Variants in KIRREL3 observed in about 807,000 individuals in gnomAD.
The protein encoded by KIRREL3 is kirre like nephrin family adhesion molecule 3.
KIRREL3 carries 36 observed loss-of-function variants against 89.7 expected under a neutral mutation model. The ratio of observed to expected loss-of-function variants is 0.40; its 90% CI spans 0.31 to 0.53. The LOEUF (loss-of-function observed/expected upper bound fraction) is 0.53. Among genes scored for constraint, KIRREL3 ranks in the 20% least tolerant of loss-of-function variants. The pLI is 0.49. For missense variants in KIRREL3, 864 were observed against 1,056.6 expected (o/e 0.82, Z 2.53); for synonymous variants, 445 against 441.4 (o/e 1.01, Z -0.10).
intron 1 of KIRREL3, among the ~76,000 whole-genome samples, chr11:126,629,829 G>A (rs535679790): frequency 6.6e-6 from 1 of 152,208 alleles, no homozygotes; most frequent in East Asian, 1.9e-4. Context: ...CTCCTTCCTG[G>A]TTCTATGAGC....
chr11:126,558,674 T>C lies in KIRREL3; in HGVS notation c.133+4161A>G, dbSNP rs893654974. On this transcript the variant is annotated intron_variant, in intron 2 of 16. Transcript: ENST00000525144. The surrounding 1 kb of genome is among the most constrained non-coding windows in gnomAD (Gnocchi z 4.0). Reference sequence around the variant, plus strand: ...GAGGCAGGCACAGCCCCTCCCCTGATACATGTGACAGCCTTCTACTCTGCC... The same window carrying C: ...GAGGCAGGCACAGCCCCTCCCCTGACACATGTGACAGCCTTCTACTCTGCC... 1.3e-5 allele frequency among the ~76,000 whole-genome samples: 2 copies of C among 152,212 alleles called. No individual in the cohort carries two copies. Among genetic ancestry groups the C allele is most frequent in the African/African-American group, 4.8e-5 (2 of 41,464 alleles).
At position 126,860,556 on chromosome 11, in the gene KIRREL3, G is replaced by A. The variant is rs1390996450; in HGVS notation, c.55+139899C>T. On this transcript the variant is annotated intron_variant, in intron 1 of 16. Transcript: ENST00000525144. This position sits in a 1 kb window ranked among gnomAD's most constrained non-coding sequence, Gnocchi z 4.6. The stretch of plus-strand genomic sequence containing the variant: ...TGCTCTGGGTGTGGCCAGGCAGCAG[G>A]CGGCGTGGAGGCAGAGGGGCCAGGC... Among the ~76,000 whole-genome samples, 1 of 152,202 alleles carries A rather than the reference G, an allele frequency of 6.6e-6. No individual in the cohort carries two copies. The highest frequency in any genetic ancestry group is 1.5e-5 in the Non-Finnish European group (1 of 68,034).
In KIRREL3 at chr11:126,424,555, C is replaced by T. The variant is rs759677616; in HGVS notation, c.*25G>A. The T allele has an allele frequency of 3.7e-6, 6 of 1,609,058 alleles. No individual in the cohort carries two copies. The highest frequency in any genetic ancestry group is 2.2e-5 in the East Asian group (1 of 44,812). ...ACGTGCCCTGACCTCTTCCCTGGCCCGTCCCCACCCGCGGTGTGTGATCCT... is the reference window on the plus strand; with the variant it reads ...ACGTGCCCTGACCTCTTCCCTGGCCTGTCCCCACCCGCGGTGTGTGATCCT... On this transcript the variant is annotated 3_prime_UTR_variant, in exon 17 of 17. Coordinates refer to ENST00000525144, the MANE Select transcript of KIRREL3 (RefSeq NM_032531.4).
chr11:126,922,421 A>G (rs1289634529), intron 1 of KIRREL3, among the ~76,000 whole-genome samples: 1 of 152,100 alleles, frequency 6.6e-6, no homozygotes. Context: ...ACGAAACAGA[A>G]GCCGACAGAT....
At chr11:126,451,053 A>G (rs1169997091) in intron 7 of KIRREL3, among the ~76,000 whole-genome samples, 2 of 130,222 alleles carry the variant, frequency 1.5e-5, no homozygotes, top group African/African-American at 5.9e-5. Context: ...GAGCATGTGC[A>G]TGTGTGCATG....
rs143718453 is a variant in KIRREL3 at position 126,455,296 on chromosome 11, C to T, written c.848+1053G>A. Among the ~76,000 whole-genome samples the T allele has an allele frequency of 2.6e-3, 398 of 152,302 alleles. 3 individuals carry two copies. Among genetic ancestry groups the T allele is most frequent in the Admixed American group, 5.4e-3 (83 of 15,300 alleles). ...AGTGCCTCCAAGGTCACTTAGTCTC[C>T]TAGAGTCTTGTGCAGTGACAGTGCC... On this transcript the variant is annotated intron_variant, in intron 7 of 16. Coordinates refer to ENST00000525144, the MANE Select transcript of KIRREL3 (RefSeq NM_032531.4). This position sits in a 1 kb window ranked among gnomAD's most constrained non-coding sequence, Gnocchi z 6.4.
chr11:126,539,413 C>T (rs1286660032), intron 2 of KIRREL3, among the ~76,000 whole-genome samples: 1 of 152,118 alleles, frequency 6.6e-6, no homozygotes, highest in Admixed American at 6.6e-5. Flanking sequence ...CCCACATGCT[C>T]AGATCTGAGT....
At chr11:126,887,486 A>G (rs1020336585) in intron 1 of KIRREL3, among the ~76,000 whole-genome samples, 2 of 152,116 alleles carry the variant, frequency 1.3e-5, no homozygotes, top group African/African-American at 4.8e-5. Context: ...ATGAAGTCAG[A>G]AGGGTCACTG....
At chr11:126,494,034 A>G (rs914218999) in intron 4 of KIRREL3, among the ~76,000 whole-genome samples, 3 of 152,210 alleles carry the variant, frequency 2.0e-5, no homozygotes, top group African/African-American at 7.2e-5. Context: ...ATCTTAATGC[A>G]AATTAAACAA....
At chr11:126,975,152 C>T (rs1949533498) in intron 1 of KIRREL3, among the ~76,000 whole-genome samples, 2 of 152,174 alleles carry the variant, frequency 1.3e-5, no homozygotes, top group Admixed American at 1.3e-4. Flanking sequence ...GTCATATATG[C>T]AGTCGGTCCT....
rs2134278373 is a variant in KIRREL3, at chr11:126,764,669, AC to A, written c.56-201758del. Among the ~76,000 whole-genome samples the A allele has an allele frequency of 6.6e-6, 1 of 152,354 alleles. No individual in the cohort carries two copies. Among genetic ancestry groups the A allele is most frequent in the South Asian group, 2.1e-4 (1 of 4,822 alleles). The stretch of plus-strand genomic sequence containing the variant: ...TTGGTTAGCACATGCACACGTGGGC[AC>A]GTGCAAACTCTCTCAGTGTAGGCTC... On this transcript the variant is annotated intron_variant, in intron 1 of 16. Coordinates refer to ENST00000525144, the MANE Select transcript of KIRREL3 (RefSeq NM_032531.4). The surrounding 1 kb of genome is among the most constrained non-coding windows in gnomAD (Gnocchi z 4.2).
chr11:126,646,544 G>A (rs1216910327), intron 1 of KIRREL3, among the ~76,000 whole-genome samples: 10 of 143,888 alleles, frequency 6.9e-5, no homozygotes, highest in African/African-American at 1.5e-4. Flanking sequence ...GCATGACCTC[G>A]GCTCACTGCA....
intron 1 of KIRREL3, among the ~76,000 whole-genome samples, chr11:126,889,797 T>TTAGATTATTTAAGAGTAGATA (rs1945841897): frequency 6.6e-6 from 1 of 152,232 alleles, no homozygotes; most frequent in Non-Finnish European, 1.5e-5. Flanking sequence ...TAATTAGATA[T>TTAGATTATTTAAGAGTAGATA]CTTTTGCAGG....
chr11:126,697,872 G>A lies in KIRREL3; in HGVS notation c.56-134960C>T, dbSNP rs1188731516. Among the ~76,000 whole-genome samples the A allele has an allele frequency of 6.6e-6, 1 of 152,194 alleles. No individual in the cohort carries two copies. The highest frequency in any genetic ancestry group is 1.9e-4 in the East Asian group (1 of 5,190). On this transcript the variant is annotated intron_variant, in intron 1 of 16. Coordinates refer to ENST00000525144, the MANE Select transcript of KIRREL3 (RefSeq NM_032531.4). The surrounding 1 kb of genome is among the most constrained non-coding windows in gnomAD (Gnocchi z 4.2). The stretch of plus-strand genomic sequence containing the variant: ...AGGATCTTTGTTGGTGATGAGGAGA[G>A]TGGGAGGAAGGGAGAGTGAAGGAAG...
chr11:126,973,531 A>C (rs900682590), intron 1 of KIRREL3, among the ~76,000 whole-genome samples: 7 of 152,316 alleles, frequency 4.6e-5, no homozygotes, highest in African/African-American at 1.7e-4. Context: ...GACCCTAAGA[A>C]AGTCACTTCA....
Position 126,876,730 on chromosome 11 carries a change from G to C in KIRREL3, c.55+123725C>G, listed in dbSNP as rs549872592. Reference sequence around the variant, plus strand: ...TTTTTTTGTATTTTTAGTAGAGATGGGGTTTCACCATGTTGGCCAGGCTGG... The same window carrying C: ...TTTTTTTGTATTTTTAGTAGAGATGCGGTTTCACCATGTTGGCCAGGCTGG... On this transcript the variant is annotated intron_variant, in intron 1 of 16. Transcript: ENST00000525144. The surrounding 1 kb of genome is among the most constrained non-coding windows in gnomAD (Gnocchi z 4.1). Among the ~76,000 whole-genome samples, 12 of 151,986 alleles carry C rather than the reference G, an allele frequency of 7.9e-5. No homozygotes were observed. Among genetic ancestry groups the C allele is most frequent in the Non-Finnish European group, 1.3e-4 (9 of 67,990 alleles).
intron 2 of KIRREL3, among the ~76,000 whole-genome samples, chr11:126,547,509 G>A (rs1938903098): frequency 6.6e-6 from 1 of 152,236 alleles, no homozygotes; most frequent in Non-Finnish European, 1.5e-5. Flanking sequence ...GAGCGTGGCT[G>A]GGAGAGGAGC....
At chr11:126,960,627 C>A (rs1193953135) in intron 1 of KIRREL3, among the ~76,000 whole-genome samples, 3 of 152,182 alleles carry the variant, frequency 2.0e-5, no homozygotes, top group Non-Finnish European at 4.4e-5. Flanking sequence ...AAATACCCTG[C>A]AAAATGCCAG....
rs1447659593 is a variant in KIRREL3, at chr11:126,897,193, C to T, written c.55+103262G>A. The stretch of plus-strand genomic sequence containing the variant: ...GCACAGGTGGTCCCATGGGGAAGGG[C>T]AGCAATTTGGCCCCAGGACACCAGG... On this transcript the variant is annotated intron_variant, in intron 1 of 16. Coordinates refer to ENST00000525144, the MANE Select transcript of KIRREL3 (RefSeq NM_032531.4). This position sits in a 1 kb window ranked among gnomAD's most constrained non-coding sequence, Gnocchi z 4.2. Among the ~76,000 whole-genome samples the T allele has an allele frequency of 6.6e-6, 1 of 152,114 alleles. No homozygotes were observed. Among genetic ancestry groups the T allele is most frequent in the African/African-American group, 2.4e-5 (1 of 41,418 alleles).
Sources: allele counts gnomAD v4.1 joint callset (sites outside exome capture counted in the v4.1 genomes callset), GRCh38; gene constraint gnomAD v4.1.1; non-coding constraint Gnocchi (gnomAD v3.1); transcripts MANE v1.5; gene names NCBI Gene and HGNC (gene_info 2026-07-23, HGNC 2026-07-21).